Variants in KIAA1217 observed in about 807,000 individuals in gnomAD.
The protein encoded by KIAA1217 is sickle tail protein homolog.
KIAA1217 carries 88 observed loss-of-function variants against 163.9 expected under a neutral mutation model. The ratio of observed to expected loss-of-function variants is 0.54; its 90% CI spans 0.45 to 0.64. The LOEUF is 0.64. Among genes scored for constraint, KIAA1217 ranks in the 30% least tolerant of loss-of-function variants. The probability of loss-of-function intolerance (pLI) is 0.00; values close to 1 mark genes in which losing one functional copy is unlikely to be tolerated. For synonymous variants in KIAA1217, 903 were observed against 923.1 expected, an observed-to-expected ratio of 0.98 and a Z score of 0.39; for missense variants, 2,372 against 2,475.0, an observed-to-expected ratio of 0.96 and a Z score of 0.88.
chr10:23,874,777 C>T (rs1246007673), intron 1 of KIAA1217, among the ~76,000 whole-genome samples: 1 of 151,998 alleles, frequency 6.6e-6, no homozygotes, highest in Non-Finnish European at 1.5e-5. Context: ...TCTTTGGCAT[C>T]TCTACCAGTC....
intron 2 of KIAA1217, among the ~76,000 whole-genome samples, chr10:24,087,900 G>C (rs959406485): frequency 7.3e-6 from 1 of 136,422 alleles, no homozygotes; most frequent in South Asian, 2.4e-4. Context: ...CTTTATGCCA[G>C]ATCAGAGCTG....
intron 6 of KIAA1217, among the ~76,000 whole-genome samples, chr10:24,480,264 T>G (rs945794631): frequency 3.3e-5 from 5 of 152,222 alleles, no homozygotes; most frequent in African/African-American, 1.2e-4. Context: ...GAATACCCCA[T>G]GTTCAAGCAA....
chr10:24,033,676 AGCAGG>A (rs1291319326), intron 2 of KIAA1217, among the ~76,000 whole-genome samples: 2 of 152,272 alleles, frequency 1.3e-5, no homozygotes, highest in Non-Finnish European at 2.9e-5. Flanking sequence ...ATATCCATAT[AGCAGG>A]TATTGGTCAA....
chr10:23,900,962 G>C (rs963824833), intron 1 of KIAA1217, among the ~76,000 whole-genome samples: 1 of 151,862 alleles, frequency 6.6e-6, no homozygotes, highest in Non-Finnish European at 1.5e-5. Context: ...GCATATAGTA[G>C]GTGCTCAAAT....
intron 2 of KIAA1217, among the ~76,000 whole-genome samples, chr10:24,252,302 G>A (rs147499823): frequency 6.6e-6 from 1 of 152,174 alleles, no homozygotes; most frequent in Admixed American, 6.5e-5. Flanking sequence ...TTTTGAACTG[G>A]TGAGATGGCT....
chr10:24,483,039 G>T, intron 6 of KIAA1217: 1 of 137,486 alleles, frequency 7.3e-6, no homozygotes, highest in Non-Finnish European at 1.6e-5. Context: ...AAAAAAAAAA[G>T]TCTGTATATA....
At chr10:24,050,882 T>G (rs1158987432) in intron 2 of KIAA1217, among the ~76,000 whole-genome samples, 1 of 152,174 alleles carries the variant, frequency 6.6e-6, no homozygotes, top group African/African-American at 2.4e-5. Flanking sequence ...CTAGAACACC[T>G]CCAGGTTTCC....
At chr10:23,972,980 AT>A (rs762318398) in intron 1 of KIAA1217, among the ~76,000 whole-genome samples, 1 of 152,028 alleles carries the variant, frequency 6.6e-6, no homozygotes, top group Non-Finnish European at 1.5e-5. Flanking sequence ...AGGGGAGGGA[AT>A]TTAGATGGCA....
chr10:23,748,336 T>C (rs1195089668), intron 1 of KIAA1217, among the ~76,000 whole-genome samples: 1 of 151,584 alleles, frequency 6.6e-6, no homozygotes, highest in African/African-American at 2.4e-5. Flanking sequence ...AGCCTTCCGA[T>C]TGTAGATTCT....
chr10:23,798,106 A>C (rs1836295020), intron 1 of KIAA1217, among the ~76,000 whole-genome samples: 1 of 152,114 alleles, frequency 6.6e-6, no homozygotes, highest in South Asian at 2.1e-4. Flanking sequence ...GTGATGTGCA[A>C]GAGAGTCAAT....
intron 2 of KIAA1217, among the ~76,000 whole-genome samples, chr10:24,133,471 G>T (rs1270187306): frequency 6.6e-6 from 1 of 151,568 alleles, no homozygotes; most frequent in Non-Finnish European, 1.5e-5. Context: ...ACTGGGGAGG[G>T]TGAGGCAGAA....
intron 3 of KIAA1217, among the ~76,000 whole-genome samples, chr10:24,414,495 T>C (rs544869457): frequency 7.2e-5 from 11 of 152,302 alleles, no homozygotes; most frequent in Admixed American, 6.5e-5. Flanking sequence ...GGGGTACTTA[T>C]AGGGTTGATT....
At chr10:24,318,901 A>G (rs1374384520) in intron 2 of KIAA1217, among the ~76,000 whole-genome samples, 2 of 152,212 alleles carry the variant, frequency 1.3e-5, no homozygotes, top group Non-Finnish European at 2.9e-5. Context: ...AAGTTAAAAT[A>G]TCCCTCAGTG....
At chr10:24,429,869 A>G (rs373359979) in intron 3 of KIAA1217, among the ~76,000 whole-genome samples, 1 of 152,156 alleles carries the variant, frequency 6.6e-6, no homozygotes, top group Non-Finnish European at 1.5e-5. Context: ...CAGGCCAGAC[A>G]TGGTAGCTCA....
chr10:23,975,124 T>C (rs1184695133), intron 1 of KIAA1217, among the ~76,000 whole-genome samples: 4 of 152,218 alleles, frequency 2.6e-5, no homozygotes, highest in South Asian at 4.1e-4. Flanking sequence ...CCAATGTCCC[T>C]ACTTTTTACA....
chr10:23,888,043 C>A (rs982298883), intron 1 of KIAA1217, among the ~76,000 whole-genome samples: 1 of 151,902 alleles, frequency 6.6e-6, no homozygotes, highest in African/African-American at 2.4e-5. Context: ...CAATGGACAA[C>A]CTCTGTAAAA....
At chr10:24,449,764 G>A in intron 5 of KIAA1217, 4 of 984,100 alleles carry the variant, frequency 4.1e-6, no homozygotes, top group Non-Finnish European at 4.8e-6. Flanking sequence ...GAAAATGTAA[G>A]GTAAGAACTG....
chr10:24,473,524 C>T lies in KIAA1217; in HGVS notation c.1143C>T (p.Gly381=), dbSNP rs2063735031. ...TCAAGCCTGATGAAGACATGAGTGG[C>T]AAAAACATTGCAATGTACAGAAATG... The part of the protein sequence containing the change: ...RDVKPDEDMS[G]KNIAMYRNEG... The change falls in exon 6 of 21, where the codon GGC becomes GGT. Residue 381 remains glycine, a synonymous_variant. Transcript: ENST00000376454. The T allele has an allele frequency of 1.2e-6, 2 of 1,613,602 alleles. No individual in the cohort carries two copies. Among genetic ancestry groups the T allele is most frequent in the Middle Eastern group, 1.6e-4 (1 of 6,084 alleles).
chr10:24,090,805 T>G (rs2061911648), intron 2 of KIAA1217, among the ~76,000 whole-genome samples: 1 of 151,856 alleles, frequency 6.6e-6, no homozygotes, highest in Non-Finnish European at 1.5e-5. Context: ...CTCAAAAGGA[T>G]AGCAATCTTA....
Sources: allele counts gnomAD v4.1 joint callset (sites outside exome capture counted in the v4.1 genomes callset), GRCh38; gene constraint gnomAD v4.1.1; transcripts MANE v1.5; gene names NCBI Gene and HGNC (gene_info 2026-07-23, HGNC 2026-07-21).